SOX5: variants seen among roughly 807,000 people sequenced by gnomAD.
SOX5 encodes SRY-box transcription factor 5.
In SOX5, 9 loss-of-function variants were observed where a neutral mutation model predicts 92.0. That is an observed-to-expected ratio of 0.10 (90% CI 0.06 to 0.17). The LOEUF is 0.17. SOX5 is among the 10% of genes least tolerant of loss of function. The pLI is 1.00. For missense variants in SOX5, 642 were observed against 944.5 expected (o/e 0.68, Z 4.20); for synonymous variants, 344 against 336.3 (o/e 1.02, Z -0.25).
intron 2 of SOX5, among the ~76,000 whole-genome samples, chr12:24,314,640 C>T (rs973433798): frequency 1.3e-5 from 2 of 152,224 alleles, no homozygotes; most frequent in Non-Finnish European, 2.9e-5. Context: ...AGGAAAAAGT[C>T]CTTACAATGC....
At position 24,106,790 on chromosome 12, in the gene SOX5, CAAA is replaced by C. The variant is rs1472303539; in HGVS notation, c.-2+106550_-2+106552del. Among the ~76,000 whole-genome samples the C allele has an allele frequency of 2.4e-3, 225 of 94,138 alleles. 1 individual carries two copies. The highest frequency in any genetic ancestry group is 9.7e-3 in the African/African-American group (215 of 22,260). The allele number at this position is 94,138 out of a possible 152,430, so 61.8% of individuals were successfully genotyped here. A position where few individuals can be genotyped will look rare whatever the true frequency, so the allele number is the denominator to read the frequency against. Reference sequence around the variant, plus strand: ...CTGGGCAACAGAGTGAGACTCGTCTCAAATAATAATAATAATAATAATAATAAT... The same window carrying C: ...CTGGGCAACAGAGTGAGACTCGTCTCTAATAATAATAATAATAATAATAAT... On this transcript the variant is annotated intron_variant, in intron 4 of 4. Coordinates refer to the SOX5 transcript ENST00000446891.
chr12:23,739,808 C>T (rs1567367664), intron 5 of SOX5, among the ~76,000 whole-genome samples: 1 of 152,218 alleles, frequency 6.6e-6, no homozygotes, highest in African/African-American at 2.4e-5. Flanking sequence ...AAAGATCTAG[C>T]TGCCCAATCT....
At chr12:23,851,499 T>C (rs532638706) in intron 2 of SOX5, among the ~76,000 whole-genome samples, 37 of 152,234 alleles carry the variant, frequency 2.4e-4, no homozygotes, top group South Asian at 6.2e-4. Flanking sequence ...AATTAAATAC[T>C]CTGGGAACAA....
At chr12:24,348,507 C>T (rs912042957) in intron 2 of SOX5, among the ~76,000 whole-genome samples, 5 of 151,946 alleles carry the variant, frequency 3.3e-5, no homozygotes, top group East Asian at 1.9e-4. Context: ...CTCAGCCTCC[C>T]GAATAGCTGG....
intron 4 of SOX5, among the ~76,000 whole-genome samples, chr12:23,988,151 A>C (rs1163719253): frequency 1.3e-5 from 2 of 152,350 alleles, no homozygotes; most frequent in East Asian, 3.9e-4. Context: ...TATTCAGGAG[A>C]TCATGCTATT....
At chr12:24,481,894 T>C (rs73289664) in intron 1 of SOX5, among the ~76,000 whole-genome samples, 3,925 of 152,266 alleles carry the variant, frequency 0.026, 178 homozygotes, top group African/African-American at 0.09. Flanking sequence ...GGTTCTGAGA[T>C]ATATTAAAAT....
At chr12:23,970,841 A>ATATATATATATATATATATTTTTTTTT in intron 4 of SOX5, among the ~76,000 whole-genome samples, 1 of 21,882 alleles carries the variant, frequency 4.6e-5, no homozygotes, top group Non-Finnish European at 1.0e-4. Context: ...TATATATATA[A>ATATATATATATATATATATTTTTTTTT]TTTTTTTTTT....
intron 2 of SOX5, among the ~76,000 whole-genome samples, chr12:23,862,202 G>A (rs2096763835): frequency 6.6e-6 from 1 of 152,118 alleles, no homozygotes; most frequent in Non-Finnish European, 1.5e-5. Flanking sequence ...AATATGAAGA[G>A]GCCATTCCAA....
intron 2 of SOX5, among the ~76,000 whole-genome samples, chr12:23,895,481 A>G (rs116408643): frequency 0.021 from 3,247 of 152,206 alleles, 117 homozygotes; most frequent in African/African-American, 0.074. Flanking sequence ...TATGACACCA[A>G]ATTTTCATGC....
chr12:24,239,446 C>G (rs1965151858), intron 3 of SOX5, among the ~76,000 whole-genome samples: 1 of 152,056 alleles, frequency 6.6e-6, no homozygotes, highest in Non-Finnish European at 1.5e-5. Context: ...ATTTTTTTCC[C>G]CCAGACTTAA....
intron 9 of SOX5, among the ~76,000 whole-genome samples, chr12:23,593,321 A>AGCC (rs1467217550): frequency 1.7e-4 from 26 of 152,240 alleles, no homozygotes; most frequent in African/African-American, 5.8e-4. Flanking sequence ...CAAGTCATAC[A>AGCC]ATTTCTGGTC....
chr12:24,148,032 G>C (rs1951252609), intron 4 of SOX5, among the ~76,000 whole-genome samples: 1 of 152,106 alleles, frequency 6.6e-6, no homozygotes, highest in South Asian at 2.1e-4. Flanking sequence ...AACTCCTAGA[G>C]TTTTTGGGTA....
At chr12:23,806,971 T>G (rs1275748174) in intron 3 of SOX5, among the ~76,000 whole-genome samples, 2 of 152,186 alleles carry the variant, frequency 1.3e-5, no homozygotes. Context: ...ATTTCTAACC[T>G]TTTCTCCACT....
intron 3 of SOX5, among the ~76,000 whole-genome samples, chr12:24,263,764 T>G (rs892844455): frequency 6.6e-6 from 1 of 152,166 alleles, no homozygotes; most frequent in African/African-American, 2.4e-5. Flanking sequence ...CTGAGCAATA[T>G]TTACCTACGT....
intron 1 of SOX5, among the ~76,000 whole-genome samples, chr12:24,537,206 T>C (rs756526456): frequency 3.3e-4 from 50 of 152,298 alleles, no homozygotes; most frequent in Admixed American, 2.4e-3. Flanking sequence ...AGGTTGATGA[T>C]GAAAAGTAAC....
intron 3 of SOX5, among the ~76,000 whole-genome samples, chr12:24,226,768 G>A (rs1594520195): frequency 6.6e-6 from 1 of 152,208 alleles, no homozygotes; most frequent in African/African-American, 2.4e-5. Flanking sequence ...ACCACGCCCG[G>A]CCTGTACAAA....
At chr12:23,627,571 C>T (rs952394732) in intron 8 of SOX5, among the ~76,000 whole-genome samples, 4 of 152,096 alleles carry the variant, frequency 2.6e-5, no homozygotes, top group South Asian at 2.1e-4. Flanking sequence ...GCTTACACTA[C>T]GCTGAGTATT....
At chr12:23,573,761 A>G (rs1305040076) in intron 10 of SOX5, among the ~76,000 whole-genome samples, 2 of 152,192 alleles carry the variant, frequency 1.3e-5, no homozygotes, top group Non-Finnish European at 1.5e-5. Flanking sequence ...ATTTCGTGAT[A>G]TAAACTGTGC....
intron 4 of SOX5, among the ~76,000 whole-genome samples, chr12:24,070,287 T>C (rs756383187): frequency 4.6e-5 from 7 of 152,088 alleles, no homozygotes; most frequent in Non-Finnish European, 5.9e-5. Context: ...TTGGAATAAA[T>C]CATAAGTGAT....
Sources: allele counts gnomAD v4.1 joint callset (sites outside exome capture counted in the v4.1 genomes callset), GRCh38; gene constraint gnomAD v4.1.1; transcripts MANE v1.5; gene names NCBI Gene and HGNC (gene_info 2026-07-23, HGNC 2026-07-21).